Variants in PACRG observed in about 807,000 individuals in gnomAD.
PACRG encodes the protein parkin coregulated, also known as parkin coregulated gene protein.
A neutral mutation model predicts 29.7 loss-of-function variants in PACRG; 29 were observed. The observed-to-expected ratio is 0.98, with a 90% confidence interval of 0.73 to 1.33. The LOEUF (loss-of-function observed/expected upper bound fraction) is 1.33. Among genes scored for constraint, PACRG ranks in the 40% most tolerant of loss-of-function variants. PACRG has a pLI of 0.00. For missense variants in PACRG, 279 were observed against 316.2 expected (o/e 0.88, Z 0.89); for synonymous variants, 116 against 118.7 (o/e 0.98, Z 0.15).
intron 4 of PACRG, among the ~76,000 whole-genome samples, chr6:163,235,989 C>A (rs1032659866): frequency 1.3e-5 from 2 of 151,970 alleles, no homozygotes; most frequent in African/African-American, 4.8e-5. Flanking sequence ...AACTGGCAAA[C>A]TTTCTGCTCT....
rs201168242 is a variant in PACRG, at chr6:162,731,263, A to G, written c.156+2872A>G. On this transcript the variant is annotated intron_variant, in intron 1 of 4. Transcript: ENST00000366888. ...AGCATTTTGGATTTCAGATTTTCAG[A>G]ACTGGCGTGACCATCAGTATATAAT... Among the ~76,000 whole-genome samples the G allele has an allele frequency of 5.9e-5, 9 of 152,308 alleles. No individual in the cohort carries two copies. In the East Asian group the frequency reaches 1.7e-3, roughly 29 times the overall value.
At chr6:163,053,127 T>C (rs1214808118) in intron 2 of PACRG, among the ~76,000 whole-genome samples, 1 of 152,090 alleles carries the variant, frequency 6.6e-6, no homozygotes, top group Non-Finnish European at 1.5e-5. Context: ...TTATGTTAAA[T>C]AAACTAGTTA....
Position 162,925,609 on chromosome 6 carries a change from C to A in PACRG, c.291+111328C>A, listed in dbSNP as rs564236115. 3.3e-5 allele frequency among the ~76,000 whole-genome samples: 5 copies of A among 152,278 alleles called. No homozygotes were observed. In the South Asian group the frequency reaches 1.0e-3, roughly 32 times the overall value. ...AAAGTCCTTCAATAAAATTCAACAT[C>A]CTTTCATGTTAAAAACTCTCAATAA... is the stretch of plus-strand genomic sequence containing the variant. On this transcript the variant is annotated intron_variant, in intron 2 of 4. Coordinates refer to ENST00000366888, the MANE Select transcript of PACRG (RefSeq NM_001080379.2).
chr6:163,007,373 T>C (rs1334126842), intron 2 of PACRG, among the ~76,000 whole-genome samples: 1 of 152,228 alleles, frequency 6.6e-6, no homozygotes, highest in Non-Finnish European at 1.5e-5. Flanking sequence ...TTCATTCCTT[T>C]ATGTAGCTCC....
chr6:163,097,046 G>A (rs964398460), intron 4 of PACRG, among the ~76,000 whole-genome samples: 1 of 152,022 alleles, frequency 6.6e-6, no homozygotes, highest in Non-Finnish European at 1.5e-5. Context: ...TCCTTCCTTG[G>A]CCCTCTCACA....
chr6:163,056,200 G>A (rs1810577422), intron 2 of PACRG, among the ~76,000 whole-genome samples: 1 of 152,158 alleles, frequency 6.6e-6, no homozygotes, highest in African/African-American at 2.4e-5. Context: ...AAAGCAGTTT[G>A]GCAGTTTCCC....
At chr6:162,887,871 C>G (rs1341208508) in intron 2 of PACRG, among the ~76,000 whole-genome samples, 3 of 152,078 alleles carry the variant, frequency 2.0e-5, no homozygotes, top group Non-Finnish European at 4.4e-5. Flanking sequence ...AGTCCTCAGT[C>G]TTGGTGACTG....
At chr6:162,909,325 G>A (rs543402258) in intron 2 of PACRG, among the ~76,000 whole-genome samples, 3 of 152,150 alleles carry the variant, frequency 2.0e-5, no homozygotes, top group East Asian at 1.9e-4. Flanking sequence ...GGAGGCCGAC[G>A]TGGGCGAATC....
At chr6:162,785,203 G>GAGAGAGAGA (rs1784375481) in intron 1 of PACRG, among the ~76,000 whole-genome samples, 44 of 127,198 alleles carry the variant, frequency 3.5e-4, no homozygotes, top group African/African-American at 1.3e-3. Flanking sequence ...AGAGAGAGAG[G>GAGAGAGAGA]GAGAGAAAGG....
At chr6:162,848,359 G>T (rs1359476357) in intron 2 of PACRG, among the ~76,000 whole-genome samples, 1 of 152,170 alleles carries the variant, frequency 6.6e-6, no homozygotes, top group Non-Finnish European at 1.5e-5. Flanking sequence ...TGACTAGCTG[G>T]CCAGGAAAAC....
chr6:163,139,406 C>A (rs1817066324), intron 4 of PACRG, among the ~76,000 whole-genome samples: 1 of 28,246 alleles, frequency 3.5e-5, no homozygotes, highest in African/African-American at 4.0e-4. Context: ...TTTATAGGTT[C>A]TGGGAGTTAG....
chr6:163,017,844 G>C (rs1041806985), intron 2 of PACRG, among the ~76,000 whole-genome samples: 2 of 151,960 alleles, frequency 1.3e-5, no homozygotes, highest in East Asian at 3.8e-4. Flanking sequence ...TTATTAGTGA[G>C]GGTTTTTCTT....
intron 4 of PACRG, among the ~76,000 whole-genome samples, chr6:163,241,464 C>T (rs1782503700): frequency 6.6e-6 from 1 of 152,194 alleles, no homozygotes. Context: ...CTGACCTGGC[C>T]CTCTTGGGAG....
chr6:163,074,997 A>ACT (rs1812413387), intron 3 of PACRG, among the ~76,000 whole-genome samples: 1 of 152,104 alleles, frequency 6.6e-6, no homozygotes, highest in Non-Finnish European at 1.5e-5. Context: ...TGTCTCAAAA[A>ACT]GTATATATAT....
At chr6:163,248,647 A>G (rs574344719) in intron 4 of PACRG, among the ~76,000 whole-genome samples, 15 of 152,150 alleles carry the variant, frequency 9.9e-5, no homozygotes, top group Non-Finnish European at 2.1e-4. Context: ...AGGAGCCCAA[A>G]TCTAATCCAA....
chr6:163,047,999 T>C (rs983038353), intron 2 of PACRG, among the ~76,000 whole-genome samples: 17 of 152,348 alleles, frequency 1.1e-4, no homozygotes, highest in African/African-American at 3.6e-4. Flanking sequence ...CAAAGTTGTT[T>C]TTAATCGTGT....
At position 163,315,151 on chromosome 6, in the gene PACRG, C is replaced by T. The variant is rs1785600618; in HGVS notation, c.*164C>T. The T allele has an allele frequency of 4.3e-6, 3 of 695,932 alleles. No homozygotes were observed. Among genetic ancestry groups the T allele is most frequent in the Non-Finnish European group, 4.7e-6 (2 of 427,178 alleles). The allele number at this position is 695,932 out of a possible 1,614,324, so 43.1% of individuals were successfully genotyped here. On this transcript the variant is annotated 3_prime_UTR_variant, in exon 5 of 5. Transcript: ENST00000366888. ...ACTGTTAGCCCTATTGAGAGCAAGG[C>T]TTTCCAATACATAAATAGTGTCTGT...
At chr6:162,808,212 T>G (rs796691057) in intron 1 of PACRG, among the ~76,000 whole-genome samples, 2 of 152,230 alleles carry the variant, frequency 1.3e-5, no homozygotes, top group South Asian at 4.1e-4. Flanking sequence ...GATTTACCAT[T>G]CCTGAGACTA....
At position 163,228,368 on chromosome 6, in the gene PACRG, C is replaced by A. The variant is rs1024521453; in HGVS notation, c.614-86459C>A. ...GTGGAGGCAGATAAGCTTTGGAAAT[C>A]TTTAAGCAGGCAAAAAAAAAAAAAA... On this transcript the variant is annotated intron_variant, in intron 4 of 4. Transcript: ENST00000366888. 2.0e-4 allele frequency among the ~76,000 whole-genome samples: 15 copies of A among 74,606 alleles called. No individual in the cohort carries two copies. The East Asian group carries it at 5.9e-3, about 29-fold the overall frequency. The allele number at this position is 74,606 out of a possible 152,430, so 48.9% of individuals were successfully genotyped here.
Sources: allele counts gnomAD v4.1 joint callset (sites outside exome capture counted in the v4.1 genomes callset), GRCh38; gene constraint gnomAD v4.1.1; transcripts MANE v1.5; gene names NCBI Gene and HGNC (gene_info 2026-07-23, HGNC 2026-07-21).